The following SEMA4D variants were observed in gnomAD, a reference collection of about 807,000 sequenced individuals.
SEMA4D encodes the protein semaphorin-4D.
In SEMA4D, 22 loss-of-function variants were observed where a neutral mutation model predicts 74.8. The ratio of observed to expected loss-of-function variants is 0.29; its 90% CI spans 0.21 to 0.42. The LOEUF is 0.42. Ranked by LOEUF, SEMA4D falls within the 10% of genes least tolerant of loss-of-function variation. The pLI, the probability that SEMA4D is intolerant of heterozygous loss-of-function variation, is 1.00. For synonymous variants in SEMA4D, 445 were observed against 463.7 expected (o/e 0.96, Z 0.52); for missense variants, 937 against 1,118.4 (o/e 0.84, Z 2.31).
intron 2 of SEMA4D, among the ~76,000 whole-genome samples, chr9:89,421,316 T>C (rs962609333): frequency 1.3e-5 from 2 of 152,126 alleles, no homozygotes; most frequent in Non-Finnish European, 2.9e-5. Flanking sequence ...CTCGATGGGG[T>C]AGGCATGCAT....
chr9:89,496,245 T>C lies in SEMA4D; in HGVS notation c.-310+1674A>G, dbSNP rs1336259180. 7.2e-5 allele frequency among the ~76,000 whole-genome samples: 11 copies of C among 152,102 alleles called. 1 individual carries two copies. Among genetic ancestry groups the C allele is most frequent in the Admixed American group, 5.9e-4 (9 of 15,280 alleles). On this transcript the variant is annotated intron_variant, in intron 1 of 15. Coordinates refer to ENST00000422704, the MANE Select transcript of SEMA4D (RefSeq NM_001371194.2). Reference sequence around the variant, plus strand: ...GACTCTGGGTGTGCTTCTCAGGAGGTGGGCCCCCTCCCATGGAGTCCCTCC... The same window carrying C: ...GACTCTGGGTGTGCTTCTCAGGAGGCGGGCCCCCTCCCATGGAGTCCCTCC...
chr9:89,438,603 T>C (rs557362791), intron 2 of SEMA4D, among the ~76,000 whole-genome samples: 58 of 152,358 alleles, frequency 3.8e-4, no homozygotes, highest in Non-Finnish European at 7.4e-4. Context: ...TAGGGATATT[T>C]GAGGCAAAAA....
downstream of SEMA4D, chr9:89,377,142 A>G: frequency 6.9e-7 from 1 of 1,446,222 alleles, no homozygotes; most frequent in Non-Finnish European, 9.1e-7. Flanking sequence ...ACACAGCAGG[A>G]AACGGACAGA....
intron 2 of SEMA4D, among the ~76,000 whole-genome samples, chr9:89,444,580 AT>A (rs1474754176): frequency 6.6e-6 from 1 of 152,158 alleles, no homozygotes; most frequent in Admixed American, 6.5e-5. Context: ...TTATTGACTA[AT>A]TAGTGCTGGC....
intron 6 of SEMA4D, among the ~76,000 whole-genome samples, chr9:89,395,795 G>A (rs1840834247): frequency 6.6e-6 from 1 of 152,116 alleles, no homozygotes; most frequent in African/African-American, 2.4e-5. Flanking sequence ...AGTCTCTAAT[G>A]AGGCCATACG....
intron 6 of SEMA4D, 48 bp from the exon 7 acceptor site, chr9:89,393,703 A>G: frequency 7.2e-7 from 1 of 1,384,796 alleles, no homozygotes; most frequent in Non-Finnish European, 1.0e-6. Flanking sequence ...CTGAATTTCT[A>G]TAGTAACAAT....
At chr9:89,495,679 G>T (rs550186695) in intron 1 of SEMA4D, among the ~76,000 whole-genome samples, 1 of 152,216 alleles carries the variant, frequency 6.6e-6, no homozygotes. Context: ...ATCAGCCGAC[G>T]GCACGTTTAT....
intron 12 of SEMA4D, 86 bp downstream of exon 12, chr9:89,387,300 G>A (rs1838744433): frequency 2.5e-6 from 3 of 1,207,290 alleles, no homozygotes; most frequent in Non-Finnish European, 3.5e-6. Context: ...AACTACTCAC[G>A]AAAGAATAAT....
intron 2 of SEMA4D, among the ~76,000 whole-genome samples, chr9:89,427,872 C>T (rs1848430800): frequency 1.3e-5 from 2 of 152,172 alleles, no homozygotes; most frequent in African/African-American, 4.8e-5. Flanking sequence ...CTCATTGCCC[C>T]CCACACAGTC....
chr9:89,472,788 T>C (rs1860719186), intron 1 of SEMA4D: 1 of 155,248 alleles, frequency 6.4e-6, no homozygotes, highest in African/African-American at 2.4e-5. Flanking sequence ...AGATACATCT[T>C]GTAGACCTCA....
At chr9:89,377,114 C>G (rs1326085448), downstream of SEMA4D, 1 of 1,483,464 alleles carries the variant, frequency 6.7e-7, no homozygotes, top group African/African-American at 1.4e-5. Context: ...GAGCACGTCA[C>G]AGGCCAGAGA....
At chr9:89,473,286 G>A (rs1280722496) in intron 1 of SEMA4D, among the ~76,000 whole-genome samples, 1 of 152,126 alleles carries the variant, frequency 6.6e-6, no homozygotes, top group East Asian at 1.9e-4. Context: ...CCTTAAAAAG[G>A]AGCAAAGGCT....
At chr9:89,393,677 G>C in intron 6 of SEMA4D, 22 bp from the exon 7 acceptor site, 1 of 1,550,914 alleles carries the variant, frequency 6.4e-7, no homozygotes, top group Non-Finnish European at 8.9e-7. Flanking sequence ...TAAAAAGAGA[G>C]CACATCATCA....
At chr9:89,376,720 A>T, downstream of SEMA4D, 1 of 1,408,190 alleles carries the variant, frequency 7.1e-7, no homozygotes. Context: ...GCCAGGACAG[A>T]TAAGGAAGGT....
At chr9:89,432,812 A>G (rs1849565488) in intron 2 of SEMA4D, among the ~76,000 whole-genome samples, 1 of 152,226 alleles carries the variant, frequency 6.6e-6, no homozygotes, top group Non-Finnish European at 1.5e-5. Flanking sequence ...CACTGTGGGA[A>G]TCATGACGGT....
intron 1 of SEMA4D, among the ~76,000 whole-genome samples, chr9:89,464,740 T>C (rs1395899426): frequency 6.6e-6 from 1 of 152,056 alleles, no homozygotes; most frequent in African/African-American, 2.4e-5. Context: ...CACATCCTCA[T>C]TCTTTGGGTC....
intron 1 of SEMA4D, among the ~76,000 whole-genome samples, chr9:89,460,120 C>A (rs1201426072): frequency 6.6e-6 from 1 of 152,222 alleles, no homozygotes; most frequent in Non-Finnish European, 1.5e-5. Flanking sequence ...GATGCATCCC[C>A]CGCCTGCTCC....
rs923374825 is a variant in SEMA4D, at chr9:89,484,208, G to A, written c.-310+13711C>T. Among the ~76,000 whole-genome samples the A allele has an allele frequency of 1.3e-5, 2 of 152,232 alleles. No homozygotes were observed. The highest frequency in any genetic ancestry group is 2.4e-5 in the African/African-American group (1 of 41,454). On this transcript the variant is annotated intron_variant, in intron 1 of 15. Coordinates refer to ENST00000422704, the MANE Select transcript of SEMA4D (RefSeq NM_001371194.2). This position sits in a 1 kb window ranked among gnomAD's most constrained non-coding sequence, Gnocchi z 4.1. ...ATCTGGGAGAGGCAAGCGAGGGGCC[G>A]GCCAGCTTCACTGCCTGCATGCCCT...
chr9:89,397,892 A>G (rs1369193760), intron 5 of SEMA4D, among the ~76,000 whole-genome samples: 1 of 152,142 alleles, frequency 6.6e-6, no homozygotes, highest in Non-Finnish European at 1.5e-5. Context: ...GAGGGTGATG[A>G]GGGTAACCTA....
Sources: allele counts gnomAD v4.1 joint callset (sites outside exome capture counted in the v4.1 genomes callset), GRCh38; gene constraint gnomAD v4.1.1; non-coding constraint Gnocchi (gnomAD v3.1); transcripts MANE v1.5; gene names NCBI Gene and HGNC (gene_info 2026-07-23, HGNC 2026-07-21).